The following FLI1 variants were observed in gnomAD, a reference collection of about 807,000 sequenced individuals.
The protein encoded by FLI1 is Friend leukemia integration 1 transcription factor.
FLI1 carries 13 observed loss-of-function variants against 53.1 expected under a neutral mutation model. The ratio of observed to expected loss-of-function variants is 0.24; its 90% CI spans 0.16 to 0.39. The LOEUF (loss-of-function observed/expected upper bound fraction) is 0.39, where lower values mean the gene tolerates loss of function less well. Among genes scored for constraint, FLI1 ranks in the 10% least tolerant of loss-of-function variants. The probability of loss-of-function intolerance (pLI) is 1.00; values close to 1 mark genes in which losing one functional copy is unlikely to be tolerated. For missense variants in FLI1, 424 were observed against 600.5 expected (o/e 0.71, Z 3.07); for synonymous variants, 244 against 236.7 (o/e 1.03, Z -0.28).
chr11:128,758,347 C>G (rs1250813705), intron 2 of FLI1, 21 bp downstream of exon 2: 1 of 1,602,064 alleles, frequency 6.2e-7, no homozygotes. Context: ...CAGGCCTGTG[C>G]AGGATTGGGG....
At chr11:128,740,107 A>C (rs1940071823) in intron 1 of FLI1, among the ~76,000 whole-genome samples, 1 of 152,134 alleles carries the variant, frequency 6.6e-6, no homozygotes, top group Non-Finnish European at 1.5e-5. Context: ...GCAGAAAGCA[A>C]TCTCCCAAGA....
At chr11:128,736,827 G>A (rs1451999887) in intron 1 of FLI1, among the ~76,000 whole-genome samples, 1 of 152,128 alleles carries the variant, frequency 6.6e-6, no homozygotes, top group African/African-American at 2.4e-5. Context: ...ATGCACTTTT[G>A]TGGGTATCTG....
chr11:128,753,675 G>T (rs1940742648), intron 1 of FLI1, among the ~76,000 whole-genome samples: 1 of 152,262 alleles, frequency 6.6e-6, no homozygotes, highest in Non-Finnish European at 1.5e-5. Flanking sequence ...CACACATGAA[G>T]TAGCAACAGC....
intron 2 of FLI1, among the ~76,000 whole-genome samples, chr11:128,765,806 CGT>C (rs1465872771): frequency 1.2e-4 from 18 of 151,810 alleles, no homozygotes; most frequent in Non-Finnish European, 2.2e-4. Flanking sequence ...AATGTGTATG[CGT>C]GTGTGTGCAC....
chr11:128,772,925 C>T lies in FLI1; in HGVS notation c.529C>T (p.Arg177Cys), dbSNP rs760940767. The T allele has an allele frequency of 1.1e-5, 18 of 1,613,884 alleles. No homozygotes were observed. The highest frequency in any genetic ancestry group is 4.4e-5 in the South Asian group (4 of 91,090). ...LCKMNKEDFL[R>C]ATTLYNTEVL... Reference sequence around the variant, plus strand: ...TAAAATGAACAAGGAGGACTTCCTCCGCGCCACCACCCTCTACAACACGGA... The same window carrying T: ...TAAAATGAACAAGGAGGACTTCCTCTGCGCCACCACCCTCTACAACACGGA... Residue 177 changes from arginine to cysteine, a missense_variant, in exon 4 of 9, where the codon CGC becomes TGC. Coordinates refer to ENST00000527786, the MANE Select transcript of FLI1 (RefSeq NM_002017.5).
At chr11:128,775,609 C>G (rs1488191679) in intron 4 of FLI1, among the ~76,000 whole-genome samples, 5 of 152,342 alleles carry the variant, frequency 3.3e-5, no homozygotes, top group African/African-American at 1.2e-4. Context: ...GGAACTCCCC[C>G]GTGACAACCA....
intron 1 of FLI1, among the ~76,000 whole-genome samples, chr11:128,757,093 T>TTTCTTTCC (rs1940916961): frequency 2.9e-5 from 4 of 135,798 alleles, no homozygotes; most frequent in Non-Finnish European, 6.2e-5. Flanking sequence ...TCTTTCTTTC[T>TTTCTTTCC]TTCTTTCTTT....
Position 128,758,139 on chromosome 11 carries a change from G to C in FLI1, c.43G>C (p.Asp15His). Reference protein sequence around the residue: ...IKEALSVVSDDQSLFDSAYGA... With the variant: ...IKEALSVVSDHQSLFDSAYGA... ...GGAGGCTCTGTCGGTGGTGAGCGAC[G>C]ACCAGTCCCTCTTTGACTCAGCGTA... The change falls in exon 2 of 9, where the codon GAC (aspartate) becomes CAC (histidine). Residue 15 changes from aspartate to histidine, a missense_variant. Physicochemically the swap from Asp to His is moderately conservative, Grantham distance 81. Around this residue, in one of 5 missense-constraint regions of FLI1, gnomAD observed 137 missense variants for 169.1 expected, o/e 0.81. Transcript: ENST00000527786. 6.2e-7 allele frequency: 1 copy of C among 1,612,994 alleles called. No homozygotes were observed. Among genetic ancestry groups the C allele is most frequent in the South Asian group, 1.1e-5 (1 of 90,822 alleles).
intron 1 of FLI1, among the ~76,000 whole-genome samples, chr11:128,704,486 A>G (rs1005930947): frequency 2.6e-5 from 4 of 151,874 alleles, no homozygotes; most frequent in Non-Finnish European, 5.9e-5. Flanking sequence ...AACCCAAAAC[A>G]CTCTTTGGCT....
At chr11:128,755,942 A>G (rs1161253392) in intron 1 of FLI1, among the ~76,000 whole-genome samples, 2 of 152,148 alleles carry the variant, frequency 1.3e-5, no homozygotes, top group African/African-American at 4.8e-5. Flanking sequence ...TTTTTGAATT[A>G]TGGCTGTCTG....
At chr11:128,766,977 T>TGGCC (rs3831825) in intron 2 of FLI1, among the ~76,000 whole-genome samples, 1 of 151,840 alleles carries the variant, frequency 6.6e-6, no homozygotes, top group African/African-American at 2.4e-5. Context: ...ATCGTCTCCT[T>TGGCC]TGGTCCTGCT....
At chr11:128,690,870 C>G (rs756908568), upstream of FLI1, among the ~76,000 whole-genome samples, 3 of 152,154 alleles carry the variant, frequency 2.0e-5, no homozygotes, top group African/African-American at 4.8e-5. Flanking sequence ...AGTGAGCTGT[C>G]GCCGATGGCA....
rs1444407443 is a variant in FLI1 at position 128,805,445 on chromosome 11, T to A, written c.721+14T>A. 3 of 1,505,230 alleles carry A rather than the reference T, an allele frequency of 2.0e-6. No homozygotes were observed. The South Asian group carries it at 3.6e-5, about 18-fold the overall frequency. 93.2% of individuals were successfully genotyped at this position (1,505,230 alleles called of 1,614,324 possible). A position where few individuals can be genotyped will look rare whatever the true frequency, so the allele number is the denominator to read the frequency against. ...GCCTCAACAAAAGTAAGTAAATGTT[T>A]TATAGTTCTTTGGAGGAAAGCATGT... On this transcript the variant is annotated intron_variant, in intron 6 of 8. Coordinates refer to ENST00000527786, the MANE Select transcript of FLI1 (RefSeq NM_002017.5).
At chr11:128,706,221 GAGA>G (rs770112144) in intron 1 of FLI1, among the ~76,000 whole-genome samples, 1 of 152,154 alleles carries the variant, frequency 6.6e-6, no homozygotes, top group Non-Finnish European at 1.5e-5. Context: ...ATGCGTATAG[GAGA>G]AGAAGCTTCA....
At chr11:128,801,179 GCTT>G (rs1591385826) in intron 5 of FLI1, among the ~76,000 whole-genome samples, 1 of 152,198 alleles carries the variant, frequency 6.6e-6, no homozygotes, top group Non-Finnish European at 1.5e-5. Context: ...GCACGCTCAG[GCTT>G]CTTCTCATAG....
At chr11:128,753,331 A>T (rs1940726260) in intron 1 of FLI1, among the ~76,000 whole-genome samples, 1 of 152,242 alleles carries the variant, frequency 6.6e-6, no homozygotes, top group Admixed American at 6.5e-5. Flanking sequence ...AATTTTACAT[A>T]GCATGGTCTA....
At chr11:128,785,684 G>A (rs182949300) in intron 5 of FLI1, among the ~76,000 whole-genome samples, 11 of 152,292 alleles carry the variant, frequency 7.2e-5, no homozygotes, top group Admixed American at 1.3e-4. Context: ...AACAACTTAT[G>A]CTTGGCACCA....
chr11:128,790,839 C>T (rs573520446), intron 5 of FLI1, among the ~76,000 whole-genome samples: 17 of 152,280 alleles, frequency 1.1e-4, no homozygotes, highest in Admixed American at 6.5e-4. Context: ...TCCCCAGTTT[C>T]TGTGTTAATT....
chr11:128,713,689 C>T (rs775484692), intron 1 of FLI1, among the ~76,000 whole-genome samples: 3 of 151,966 alleles, frequency 2.0e-5, no homozygotes, highest in Non-Finnish European at 4.4e-5. Flanking sequence ...GTATGGGGTG[C>T]CTCGGGAGGG....
Sources: allele counts gnomAD v4.1 joint callset (sites outside exome capture counted in the v4.1 genomes callset), GRCh38; gene constraint gnomAD v4.1.1; regional missense constraint gnomAD v4.1.1; transcripts MANE v1.5; gene names NCBI Gene and HGNC (gene_info 2026-07-23, HGNC 2026-07-21).